The following STS variants were observed in gnomAD, a reference collection of about 807,000 sequenced individuals.
STS encodes the protein steryl-sulfatase.
Under a neutral mutation model 26.8 loss-of-function variants are expected in STS, and 7 were observed. That is an observed-to-expected ratio of 0.26 (90% CI 0.15 to 0.49). The LOEUF (loss-of-function observed/expected upper bound fraction) is 0.49, where lower values mean the gene tolerates loss of function less well. Ranked by LOEUF, STS falls within the 20% of genes least tolerant of loss-of-function variation. The pLI, the probability that STS is intolerant of heterozygous loss-of-function variation, is 0.98. For missense variants in STS, 434 were observed against 465.6 expected (o/e 0.93, Z 0.63); for synonymous variants, 199 against 189.4 (o/e 1.05, Z -0.42).
At chrX:7,335,875 C>T (rs1227338817) in intron 10 of STS, among the ~76,000 whole-genome samples, 1 of 111,513 alleles carries the variant, frequency 9.0e-6, no homozygotes, top group Non-Finnish European at 1.9e-5. Flanking sequence ...AATCCTTTCC[C>T]CATTTCTTGT....
At chrX:7,327,004 C>T (rs1363024479) in intron 9 of STS, among the ~76,000 whole-genome samples, 1 of 112,191 alleles carries the variant, frequency 8.9e-6, no homozygotes, top group Admixed American at 9.4e-5. Flanking sequence ...CCTTTTCATT[C>T]TTCCATGATC....
At chrX:7,305,016 A>G (rs201097776) in intron 7 of STS, 30 bp from the exon 8 acceptor site, 550 of 1,207,409 alleles carry the variant, frequency 4.6e-4, no homozygotes, top group Non-Finnish European at 5.7e-4. Flanking sequence ...AATATGCATT[A>G]TTTTTAAATG....
chrX:7,260,961 T>A (rs1213556285), intron 6 of STS, among the ~76,000 whole-genome samples: 1 of 111,228 alleles, frequency 9.0e-6, no homozygotes, highest in Non-Finnish European at 1.9e-5. Flanking sequence ...GGAATAACCA[T>A]CAACAGTGGA....
At chrX:7,171,230 C>T (rs1933461523) in intron 1 of STS, among the ~76,000 whole-genome samples, 1 of 111,660 alleles carries the variant, frequency 9.0e-6, no homozygotes, top group Non-Finnish European at 1.9e-5. Flanking sequence ...AATTCCAAGA[C>T]TCTCTGAGTT....
chrX:7,239,282 C>T (rs753111215), intron 2 of STS, among the ~76,000 whole-genome samples: 12 of 111,562 alleles, frequency 1.1e-4, no homozygotes, highest in African/African-American at 3.6e-4. Flanking sequence ...TAAAACAGGA[C>T]CTTTGTTGGA....
intron 1 of STS, among the ~76,000 whole-genome samples, chrX:7,169,895 G>T (rs1188598404): frequency 9.2e-6 from 1 of 108,533 alleles, no homozygotes; most frequent in Non-Finnish European, 1.9e-5. Context: ...TTTGTTGGTG[G>T]GGGGGGCTGG....
At chrX:7,349,316 CTTTTTTTTTTTT>C (rs1178578773) in intron 10 of STS, among the ~76,000 whole-genome samples, 6 of 52,886 alleles carry the variant, frequency 1.1e-4, no homozygotes, top group African/African-American at 3.7e-4. Flanking sequence ...CATTTAATTC[CTTTTTTTTTTTT>C]TTTTTTTTTT....
chrX:7,150,516 C>T (rs918175968), intron 1 of STS, among the ~76,000 whole-genome samples: 3 of 111,436 alleles, frequency 2.7e-5, no homozygotes, highest in South Asian at 3.8e-4. Context: ...CCACCGCCCC[C>T]GGCCAAAAAA....
chrX:7,343,370 GAA>G (rs1928379961), intron 10 of STS, among the ~76,000 whole-genome samples: 1 of 112,289 alleles, frequency 8.9e-6, no homozygotes, highest in Non-Finnish European at 1.9e-5. Flanking sequence ...GCAACAGATT[GAA>G]GGGCAGATGG....
In STS at chrX:7,153,471, CCTT is replaced by C. The variant is rs749067622; in HGVS notation, c.-134+5391_-134+5393del. The stretch of plus-strand genomic sequence containing the variant: ...TCCTTCCCTCCCTTCCTTTCCTCCT[CCTT>C]CTCTCTTTCTGTTTTCCTTCCTGTT... On this transcript the variant is annotated intron_variant, in intron 1 of 10. Coordinates refer to ENST00000674429, the MANE Select transcript of STS (RefSeq NM_001320752.2). Among the ~76,000 whole-genome samples, 689 of 88,366 alleles carry C rather than the reference CCTT, an allele frequency of 7.8e-3. 6 individuals are homozygous for C. Among genetic ancestry groups the C allele is most frequent in the African/African-American group, 0.027 (632 of 23,198 alleles). 76.7% of individuals were successfully genotyped at this position (88,366 alleles called of 115,157 possible).
chrX:7,317,458 T>G (rs1334781172), intron 8 of STS, among the ~76,000 whole-genome samples: 8 of 106,577 alleles, frequency 7.5e-5, no homozygotes, highest in Non-Finnish European at 5.9e-5. Context: ...TCTTTTGGTT[T>G]GTTTGTTTGT....
intron 1 of STS, among the ~76,000 whole-genome samples, chrX:7,152,246 C>T (rs759000957): frequency 8.9e-6 from 1 of 112,095 alleles, no homozygotes; most frequent in Admixed American, 9.4e-5. Flanking sequence ...GCCACCACGC[C>T]CGGCCAGGAT....
rs1183916621 is a variant in STS, at chrX:7,191,022, G to T, written c.-5+14G>T. ...GCTGTTCATAGCGTAAGTATGAGAG[G>T]TGCATATGTTTGTATCTTCGCCCTG... is the stretch of plus-strand genomic sequence containing the variant. On this transcript the variant is annotated intron_variant, in intron 2 of 10. Transcript: ENST00000674429. The T allele has an allele frequency of 1.3e-6, 1 of 749,496 alleles. No homozygotes were observed. The highest frequency in any genetic ancestry group is 1.6e-6 in the Non-Finnish European group (1 of 636,964). 61.8% of individuals were successfully genotyped at this position (749,496 alleles called of 1,213,427 possible).
intron 8 of STS, among the ~76,000 whole-genome samples, chrX:7,306,468 A>G (rs1021712300): frequency 1.8e-4 from 20 of 111,832 alleles, no homozygotes; most frequent in Non-Finnish European, 3.8e-4. Context: ...TTATCTATCA[A>G]TTTGTTTAGA....
chrX:7,182,075 CAAACAAAA>C (rs1933691502), intron 1 of STS, among the ~76,000 whole-genome samples: 1 of 111,423 alleles, frequency 9.0e-6, no homozygotes, highest in Admixed American at 9.5e-5. Flanking sequence ...CCCCCTGTCT[CAAACAAAA>C]AAACAAAAAA....
chrX:7,341,992 A>G (rs1277166225), intron 10 of STS, among the ~76,000 whole-genome samples: 1 of 110,033 alleles, frequency 9.1e-6, no homozygotes, highest in Non-Finnish European at 1.9e-5. Flanking sequence ...TTATATTTTT[A>G]GTAGAGACGG....
At chrX:7,257,430 T>G in intron 4 of STS, 36 bp from the exon 5 acceptor site, 1 of 1,212,259 alleles carries the variant, frequency 8.2e-7, no homozygotes, top group Non-Finnish European at 1.1e-6. Context: ...TCGAGGTATC[T>G]CCTGGTTCCT....
At chrX:7,338,951 T>A (rs1928159397) in intron 10 of STS, among the ~76,000 whole-genome samples, 2 of 111,999 alleles carry the variant, frequency 1.8e-5, no homozygotes, top group African/African-American at 6.5e-5. Flanking sequence ...CAAAGGAATG[T>A]GTTCCTTTCC....
intron 10 of STS, among the ~76,000 whole-genome samples, chrX:7,345,873 T>C (rs1928501456): frequency 8.9e-6 from 1 of 112,140 alleles, no homozygotes. Flanking sequence ...ATAACGAAAG[T>C]TCTGGTTTGC....
Sources: allele counts gnomAD v4.1 joint callset (sites outside exome capture counted in the v4.1 genomes callset), GRCh38; gene constraint gnomAD v4.1.1; transcripts MANE v1.5; gene names NCBI Gene and HGNC (gene_info 2026-07-23, HGNC 2026-07-21).